Variants in SOX5 observed in about 807,000 individuals in gnomAD.
SOX5 encodes transcription factor SOX-5.
A neutral mutation model predicts 92.0 loss-of-function variants in SOX5; 9 were observed. The ratio of observed to expected loss-of-function variants is 0.10; its 90% confidence interval spans 0.06 to 0.17. SOX5 has a LOEUF of 0.17. SOX5 is among the 10% of genes least tolerant of loss of function. SOX5 has a pLI of 1.00. For missense variants in SOX5, 642 were observed against 944.5 expected (o/e 0.68, Z 4.20); for synonymous variants, 344 against 336.3 (o/e 1.02, Z -0.25).
Position 23,665,502 on chromosome 12 carries a change from A to T in SOX5, c.873T>A (p.Ala291=), listed in dbSNP as rs151018292. The change falls in exon 7 of 15, where the codon GCT becomes GCA. Residue 291 remains alanine, a synonymous_variant. Coordinates refer to ENST00000451604, the MANE Select transcript of SOX5 (RefSeq NM_006940.6). Reference sequence around the variant, plus strand: ...GGAGGAATCCTTGCTGGGCAGCTGCAGCCAGTGTCCGTTGATCAGGAGGGA... The same window carrying T: ...GGAGGAATCCTTGCTGGGCAGCTGCTGCCAGTGTCCGTTGATCAGGAGGGA... ...PVFPPDQRTL[A]AAAQQGFLLP... is the part of the protein sequence containing the mutation. 28 of 1,613,534 alleles carry T rather than the reference A, an allele frequency of 1.7e-5. No homozygotes were observed. In the African/African-American group the frequency reaches 3.7e-4, roughly 22 times the overall value.
chr12:24,062,614 T>C (rs1459013158), intron 4 of SOX5, among the ~76,000 whole-genome samples: 1 of 152,214 alleles, frequency 6.6e-6, no homozygotes, highest in African/African-American at 2.4e-5. Flanking sequence ...TCCTGACAGC[T>C]TTGTAAAGAC....
At chr12:23,577,448 G>A (rs779397564) in intron 9 of SOX5, among the ~76,000 whole-genome samples, 10 of 151,478 alleles carry the variant, frequency 6.6e-5, no homozygotes, top group South Asian at 2.1e-4. Flanking sequence ...ATCTGCCTGC[G>A]TTGGCCTCCC....
chr12:24,219,909 C>T (rs552089868), intron 3 of SOX5, among the ~76,000 whole-genome samples: 2 of 152,232 alleles, frequency 1.3e-5, no homozygotes, highest in South Asian at 2.1e-4. Flanking sequence ...TGGGATCACA[C>T]AGATGTAAGC....
Position 23,969,168 on chromosome 12 carries a change from C to T in SOX5, c.-1-73144G>A, listed in dbSNP as rs555206145. Among the ~76,000 whole-genome samples the T allele has an allele frequency of 2.6e-5, 4 of 152,244 alleles. No homozygotes were observed. The South Asian group carries it at 6.2e-4, about 24-fold the overall frequency. On this transcript the variant is annotated intron_variant, in intron 4 of 4. Transcript: ENST00000446891. ...CACCATCCCAAATCTATTGATTCTCCAAGTCTTTCTAGTTCTATTTCCTAA... is the reference window on the plus strand; with the variant it reads ...CACCATCCCAAATCTATTGATTCTCTAAGTCTTTCTAGTTCTATTTCCTAA...
intron 7 of SOX5, among the ~76,000 whole-genome samples, chr12:23,659,605 C>T (rs888565734): frequency 6.6e-6 from 1 of 152,194 alleles, no homozygotes; most frequent in African/African-American, 2.4e-5. Context: ...TGACTAACTA[C>T]ATTTTCTAAA....
At chr12:23,778,130 T>C (rs539465058) in intron 3 of SOX5, among the ~76,000 whole-genome samples, 1 of 152,342 alleles carries the variant, frequency 6.6e-6, no homozygotes, top group Admixed American at 6.5e-5. Context: ...TTGTCCTTCC[T>C]AACTTTACAA....
intron 3 of SOX5, among the ~76,000 whole-genome samples, chr12:24,224,667 T>C (rs917890743): frequency 3.9e-5 from 6 of 152,202 alleles, no homozygotes; most frequent in African/African-American, 1.2e-4. Context: ...ATTTATTCTA[T>C]ATATCCACAT....
intron 1 of SOX5, among the ~76,000 whole-genome samples, chr12:24,431,400 A>G (rs1473255473): frequency 6.6e-6 from 1 of 152,232 alleles, no homozygotes; most frequent in Non-Finnish European, 1.5e-5. Context: ...TTATTAAGGC[A>G]AAATCAATAC....
At chr12:23,882,928 TC>T in intron 2 of SOX5, among the ~76,000 whole-genome samples, 1 of 152,158 alleles carries the variant, frequency 6.6e-6, no homozygotes, top group East Asian at 1.9e-4. Flanking sequence ...ACGTCTGTAA[TC>T]CCAGCATTTT....
chr12:24,155,901 A>G (rs1017031522), intron 4 of SOX5, among the ~76,000 whole-genome samples: 8 of 152,130 alleles, frequency 5.3e-5, no homozygotes, highest in African/African-American at 1.9e-4. Context: ...GCAGGAGGTG[A>G]CAGTAGATAT....
At chr12:23,716,855 G>A (rs2054473) in intron 6 of SOX5, among the ~76,000 whole-genome samples, 151,065 of 152,314 alleles carry the variant, frequency 0.99, 74,926 homozygotes, top group Middle Eastern at 1. Context: ...CCCACAATCT[G>A]TGTACAACCC....
At position 24,004,279 on chromosome 12, in the gene SOX5, T is replaced by A. The variant is rs1402720661; in HGVS notation, c.-1-108255A>T. On this transcript the variant is annotated intron_variant, in intron 4 of 4. Coordinates refer to the SOX5 transcript ENST00000446891. ...ACATAAAAACAACTGATAAACTGAA[T>A]TATATCAAAATTAAAAACTTTTGTT... Among the ~76,000 whole-genome samples the A allele has an allele frequency of 3.7e-5, 5 of 136,686 alleles. No individual in the cohort carries two copies. In the East Asian group the frequency reaches 8.7e-4, roughly 24 times the overall value. 89.7% of individuals were successfully genotyped at this position (136,686 alleles called of 152,430 possible). A position where few individuals can be genotyped will look rare whatever the true frequency, so the allele number is the denominator to read the frequency against.
At chr12:24,522,362 C>T (rs1950337014) in intron 1 of SOX5, among the ~76,000 whole-genome samples, 1 of 151,648 alleles carries the variant, frequency 6.6e-6, no homozygotes, top group Non-Finnish European at 1.5e-5. Flanking sequence ...AATGCCAAGC[C>T]TTTTTAAACA....
chr12:24,166,529 C>G (rs1953429588), intron 4 of SOX5, among the ~76,000 whole-genome samples: 1 of 152,158 alleles, frequency 6.6e-6, no homozygotes, highest in South Asian at 2.1e-4. Flanking sequence ...ATTTCCCAAG[C>G]CTTACACTAA....
At chr12:24,043,511 A>C (rs1956717730) in intron 4 of SOX5, among the ~76,000 whole-genome samples, 1 of 152,232 alleles carries the variant, frequency 6.6e-6, no homozygotes, top group Admixed American at 6.5e-5. Flanking sequence ...GAACTGGGAC[A>C]ATCATCTGTT....
At chr12:23,656,187 A>AT (rs56680824) in intron 7 of SOX5, among the ~76,000 whole-genome samples, 41,896 of 148,858 alleles carry the variant, frequency 0.28, 6,738 homozygotes, top group African/African-American at 0.45. Context: ...GTTTCATTGT[A>AT]TTTTTTTTTT....
intron 2 of SOX5, among the ~76,000 whole-genome samples, chr12:24,318,133 C>T (rs969956514): frequency 2.6e-5 from 4 of 152,086 alleles, no homozygotes; most frequent in African/African-American, 4.8e-5. Flanking sequence ...CGCTTGAAAC[C>T]GGGAGGCAGA....
chr12:23,608,940 G>C (rs1048845949), intron 8 of SOX5, among the ~76,000 whole-genome samples: 1 of 152,144 alleles, frequency 6.6e-6, no homozygotes, highest in Non-Finnish European at 1.5e-5. Flanking sequence ...CTTAAGTCAA[G>C]ACTGATAAAC....
chr12:24,561,305 A>G (rs1954313733), intron 1 of SOX5, among the ~76,000 whole-genome samples: 1 of 152,216 alleles, frequency 6.6e-6, no homozygotes, highest in South Asian at 2.1e-4. Context: ...CACATTCATC[A>G]TCACATTCTG....
Sources: gnomAD v4.1 joint callset for allele counts (sites outside exome capture counted in the v4.1 genomes callset) on GRCh38, gnomAD v4.1.1 for gene constraint, MANE v1.5 for transcripts, NCBI Gene and HGNC (gene_info 2026-07-23, HGNC 2026-07-21) for gene names.